DGKH: variants seen among roughly 807,000 people sequenced by gnomAD.
DGKH encodes DAG kinase eta.
DGKH carries 90 observed loss-of-function variants against 159.3 expected under a neutral mutation model. That is an observed-to-expected ratio of 0.57 (90% CI 0.48 to 0.67). The LOEUF is 0.67. Among genes scored for constraint, DGKH ranks in the 30% least tolerant of loss-of-function variants. The pLI is 0.00. For synonymous variants in DGKH, 536 were observed against 553.8 expected (o/e 0.97, Z 0.45); for missense variants, 1,181 against 1,506.1 (o/e 0.78, Z 3.57).
At chr13:42,094,128 G>A (rs2137755038) in intron 1 of DGKH, among the ~76,000 whole-genome samples, 1 of 126,162 alleles carries the variant, frequency 7.9e-6, no homozygotes, top group South Asian at 3.1e-4. Context: ...TGGGTTGGGG[G>A]GAGGGGGGAG....
At chr13:42,185,243 C>T (rs1956886563) in intron 13 of DGKH, among the ~76,000 whole-genome samples, 1 of 152,212 alleles carries the variant, frequency 6.6e-6, no homozygotes, top group South Asian at 2.1e-4. Context: ...TCCTATATTC[C>T]TTTTAGCATA....
intron 3 of DGKH, among the ~76,000 whole-genome samples, chr13:42,149,309 A>T (rs1382491254): frequency 6.6e-6 from 1 of 152,064 alleles, no homozygotes; most frequent in African/African-American, 2.4e-5. Context: ...TTTCCCCTTC[A>T]CTGTGTTCTC....
intron 3 of DGKH, among the ~76,000 whole-genome samples, chr13:42,151,478 G>GGGGTGT (rs200409838): frequency 1.6e-5 from 2 of 126,322 alleles, no homozygotes; most frequent in African/African-American, 6.0e-5. Context: ...AGTATTCCAT[G>GGGGTGT]GTGTGTGTGT....
intron 30 of DGKH, among the ~76,000 whole-genome samples, chr13:42,253,741 T>G (rs1405743114): frequency 1.3e-5 from 2 of 152,254 alleles, no homozygotes; most frequent in East Asian, 3.8e-4. Context: ...CTTAACTTTC[T>G]AGGTTCTTGC....
chr13:42,062,828 C>T (rs985572972), intron 1 of DGKH, among the ~76,000 whole-genome samples: 3 of 152,196 alleles, frequency 2.0e-5, no homozygotes, highest in African/African-American at 7.2e-5. Context: ...TGAAACAGTT[C>T]TCGGGTTAAA....
intron 3 of DGKH, among the ~76,000 whole-genome samples, chr13:42,146,607 A>T (rs1955741077): frequency 6.6e-6 from 1 of 152,240 alleles, no homozygotes; most frequent in African/African-American, 2.4e-5. Flanking sequence ...TTCTGTCTGT[A>T]ACAATACATA....
intron 3 of DGKH, among the ~76,000 whole-genome samples, chr13:42,146,236 T>TTGTCC (rs1222619431): frequency 6.8e-6 from 1 of 147,198 alleles, no homozygotes; most frequent in Non-Finnish European, 1.5e-5. Context: ...ATGTAGGATC[T>TTGTCC]TGTCCACCAG....
chr13:42,178,054 G>T lies in DGKH; in HGVS notation c.1453-81G>T. On this transcript the variant is annotated intron_variant, in intron 12 of 29. Coordinates refer to ENST00000337343, the MANE Select transcript of DGKH (RefSeq NM_178009.5). ...CCTTGCCTAAACATATGTCATGAAG[G>T]GTTCCATTTCTGGAGCAGCAATAAG... 3 of 960,012 alleles carry T rather than the reference G, an allele frequency of 3.1e-6. No individual in the cohort carries two copies. In the South Asian group the frequency reaches 6.3e-5, roughly 20 times the overall value. 59.5% of individuals were successfully genotyped at this position (960,012 alleles called of 1,614,324 possible).
chr13:42,188,089 T>G (rs1956974377), intron 14 of DGKH, among the ~76,000 whole-genome samples: 1 of 152,186 alleles, frequency 6.6e-6, no homozygotes, highest in Non-Finnish European at 1.5e-5. Context: ...AAATATACAT[T>G]TGAAGTTTTC....
chr13:42,044,935 A>G (rs1303955233), upstream of DGKH, among the ~76,000 whole-genome samples: 2 of 152,222 alleles, frequency 1.3e-5, no homozygotes, highest in African/African-American at 4.8e-5. Flanking sequence ...ATTCTAGCCA[A>G]CACTTCAAAA....
At chr13:42,205,627 A>T (rs1248697196) in intron 20 of DGKH, among the ~76,000 whole-genome samples, 1 of 152,166 alleles carries the variant, frequency 6.6e-6, no homozygotes, top group African/African-American at 2.4e-5. Context: ...CCAGCAATGT[A>T]CCAGGGACTG....
rs374539521 is a variant in DGKH, at chr13:42,165,429, C to T, written c.954C>T (p.Ser318=). 2.2e-5 allele frequency: 34 copies of T among 1,544,160 alleles called. No homozygotes were observed. Among genetic ancestry groups the T allele is most frequent in the South Asian group, 1.6e-4 (13 of 82,050 alleles). ...IPPIALNSTD[S]DGFCRATFSF... is the part of the protein sequence containing the mutation. ...CAATTGCACTAAACAGCACCGATTC[C>T]GATGGTATGTAGCAGTAGTGTAAGT... Residue 318 remains serine (S), a synonymous_variant, in exon 8 of 30, where the codon TCC becomes TCT. Transcript: ENST00000337343.
intron 1 of DGKH, among the ~76,000 whole-genome samples, chr13:42,075,167 A>C (rs1230655242): frequency 6.6e-6 from 1 of 152,158 alleles, no homozygotes; most frequent in Non-Finnish European, 1.5e-5. Flanking sequence ...TTGTTTTTTC[A>C]TACTTTTTCC....
At chr13:42,243,836 G>A (rs1457293937), downstream of DGKH, among the ~76,000 whole-genome samples, 3 of 152,286 alleles carry the variant, frequency 2.0e-5, no homozygotes, top group Admixed American at 6.5e-5. Context: ...TAAGCAATCC[G>A]GTTTGAGCCC....
At chr13:42,207,042 C>CTTTCT (rs1566191928) in intron 21 of DGKH, among the ~76,000 whole-genome samples, 134 of 38,082 alleles carry the variant, frequency 3.5e-3, no homozygotes, top group Middle Eastern at 0.011. Flanking sequence ...TCTTTCTTTC[C>CTTTCT]TTCTTTCCTT....
At chr13:42,227,275 A>T (rs115694397) in intron 29 of DGKH, among the ~76,000 whole-genome samples, 2,582 of 152,176 alleles carry the variant, frequency 0.017, 79 homozygotes, top group African/African-American at 0.057. Flanking sequence ...AAATTAATTT[A>T]AAAAAAAGTA....
chr13:42,208,259 T>G (rs1957555057), intron 21 of DGKH, among the ~76,000 whole-genome samples: 1 of 152,182 alleles, frequency 6.6e-6, no homozygotes, highest in Non-Finnish European at 1.5e-5. Flanking sequence ...TTGTTTCAGA[T>G]GCATATTATT....
intron 13 of DGKH, chr13:42,181,815 ACTGCTGGCAGCTGAG>A (rs1956773928): frequency 1.1e-5 from 3 of 280,982 alleles, no homozygotes; most frequent in South Asian, 2.8e-5. Context: ...GGGTGGGGCC[ACTGCTGGCAGCTGAG>A]CTGCTGGTGC....
chr13:42,069,458 C>A, intron 1 of DGKH: 1 of 1,548,628 alleles, frequency 6.5e-7, no homozygotes. Context: ...TTATCAACAA[C>A]ATCAGTAGAC....
Sources: gnomAD v4.1 joint callset for allele counts (sites outside exome capture counted in the v4.1 genomes callset) on GRCh38, gnomAD v4.1.1 for gene constraint, MANE v1.5 for transcripts, NCBI Gene and HGNC (gene_info 2026-07-23, HGNC 2026-07-21) for gene names.